The following TRPM2 variants were observed in gnomAD, a reference collection of about 807,000 sequenced individuals.
TRPM2 encodes the protein transient receptor potential cation channel subfamily M member 2, also known as estrogen-responsive element-associated gene 1 protein.
Under a neutral mutation model 174.0 loss-of-function variants are expected in TRPM2, and 161 were observed. The ratio of observed to expected loss-of-function variants is 0.93; its 90% CI spans 0.81 to 1.05. The LOEUF (loss-of-function observed/expected upper bound fraction) is 1.05. Ranked by LOEUF, TRPM2 falls within the 50% of genes least tolerant of loss-of-function variation. TRPM2 has a pLI of 0.00. For synonymous variants in TRPM2, 954 were observed against 861.3 expected, an observed-to-expected ratio of 1.11 and a Z score of -1.88; for missense variants, 2,057 against 2,038.0, an observed-to-expected ratio of 1.01 and a Z score of -0.18.
chr21:44,426,519 C>T (rs2050784751), intron 25 of TRPM2, 141 bp from the exon 26 acceptor site: 2 of 888,092 alleles, frequency 2.3e-6, no homozygotes, highest in Admixed American at 3.7e-5. Flanking sequence ...CCCGGATCTG[C>T]CCAGCTTGGA....
intron 31 of TRPM2, among the ~76,000 whole-genome samples, chr21:44,441,111 C>T (rs368813782): frequency 7.9e-5 from 12 of 152,258 alleles, no homozygotes; most frequent in East Asian, 1.9e-4. Context: ...GGGACCTGGC[C>T]GTGCTCCTGG....
At position 44,438,528 on chromosome 21, in the gene TRPM2, G is replaced by C. The variant is rs2051362343; in HGVS notation, c.4168-539G>C. 6.6e-6 allele frequency among the ~76,000 whole-genome samples: 1 copy of C among 152,160 alleles called. No individual in the cohort carries two copies. The highest frequency in any genetic ancestry group is 1.5e-5 in the Non-Finnish European group (1 of 68,024). ...CCCACGGGTGTTTCAGTGGGACTTT[G>C]AATGACAAATAGGGTGGGAAAGATG... On this transcript the variant is annotated intron_variant, in intron 29 of 31. Transcript: ENST00000397928. This position sits in a 1 kb window ranked among gnomAD's most constrained non-coding sequence, Gnocchi z 5.9.
rs145284374 is a variant in TRPM2, at chr21:44,395,491, C to T, written c.1872C>T (p.Asp624=). The change falls in exon 12 of 32, where the codon GAC becomes GAT. Residue 624 remains aspartate, a synonymous_variant. Transcript: ENST00000397928. ...CCTTCACCATGGACCCCATCCGTGA[C>T]CTTCTCATTTGGGCCATTGTCCAGA... ...HVTFTMDPIR[D]LLIWAIVQNR... The T allele has an allele frequency of 1.5e-4, 236 of 1,612,958 alleles. 1 individual carries two copies. In the African/African-American group the frequency reaches 3.0e-3, roughly 20 times the overall value.
Position 44,410,830 on chromosome 21 carries a change from C to G in TRPM2, c.2963-3061C>G, listed in dbSNP as rs1404983970. 3.4e-5 allele frequency among the ~76,000 whole-genome samples: 3 copies of G among 89,372 alleles called. 1 individual carries two copies. Among genetic ancestry groups the G allele is most frequent in the African/African-American group, 1.0e-4 (3 of 28,874 alleles). The allele number at this position is 89,372 out of a possible 152,430, so 58.6% of individuals were successfully genotyped here. On this transcript the variant is annotated intron_variant, in intron 19 of 31. Transcript: ENST00000397928. ...GTTTTGACCGCACTGTCTTGGTGAGCGTAGCCTTGTAGTAAGTTTTGACCG... is the reference window on the plus strand; with the variant it reads ...GTTTTGACCGCACTGTCTTGGTGAGGGTAGCCTTGTAGTAAGTTTTGACCG...
intron 15 of TRPM2, among the ~76,000 whole-genome samples, chr21:44,401,142 G>A (rs1015921909): frequency 2.0e-5 from 3 of 152,136 alleles, no homozygotes; most frequent in Non-Finnish European, 2.9e-5. Flanking sequence ...CTGCTCTCCC[G>A]AGGATGGCAG....
In TRPM2 at chr21:44,376,013, G is replaced by A; in HGVS notation, c.952G>A (p.Gly318Ser). The change falls in exon 6 of 32, where the codon GGT (glycine) becomes AGT (serine). Residue 318 changes from glycine (G) to serine (S), a missense_variant and splice_region_variant. Coordinates refer to ENST00000397928, the MANE Select transcript of TRPM2 (RefSeq NM_003307.4). The surrounding 1 kb of genome is among the most constrained non-coding windows in gnomAD (Gnocchi z 4.2). ...ATCGGAGCAGACCAAGGAAAGAGGA[G>A]GTAGGGGAGCTTGCTTTCGAGGGTG... ...FISEQTKERG[G>S]VAIKIPIVCV... 6.2e-7 allele frequency: 1 copy of A among 1,611,490 alleles called. No individual in the cohort carries two copies. The highest frequency in any genetic ancestry group is 8.5e-7 in the Non-Finnish European group (1 of 1,177,898).
intron 5 of TRPM2, among the ~76,000 whole-genome samples, chr21:44,373,437 T>G (rs986974817): frequency 1.3e-5 from 2 of 152,220 alleles, no homozygotes; most frequent in Non-Finnish European, 2.9e-5. Context: ...TCCGCCCGCC[T>G]CGGCCCCCCA....
chr21:44,411,071 G>A (rs190222651), intron 19 of TRPM2, among the ~76,000 whole-genome samples: 1 of 151,858 alleles, frequency 6.6e-6, no homozygotes, highest in Admixed American at 6.6e-5. Context: ...TGCTGTCTTG[G>A]TGAGCGTAGC....
intron 6 of TRPM2, 69 bp from the exon 7 acceptor site, chr21:44,377,643 G>A: frequency 6.3e-7 from 1 of 1,597,094 alleles, no homozygotes; most frequent in Non-Finnish European, 8.6e-7. Context: ...GCTTTGTTCA[G>A]GTGTGGCCCT....
rs753817576 is a variant in TRPM2 at position 44,395,403 on chromosome 21, C to T, written c.1795-11C>T. 3 of 1,612,298 alleles carry T rather than the reference C, an allele frequency of 1.9e-6. No individual in the cohort carries two copies. Among genetic ancestry groups the T allele is most frequent in the South Asian group, 2.2e-5 (2 of 91,066 alleles). Reference sequence around the variant, plus strand: ...GCCCGGCTGGGGCTCTGACAGTTCACTGCTCACCAGGTGCAGGGAGTGAGC... The same window carrying T: ...GCCCGGCTGGGGCTCTGACAGTTCATTGCTCACCAGGTGCAGGGAGTGAGC... On this transcript the variant is annotated splice_polypyrimidine_tract_variant and intron_variant, in intron 11 of 31. Coordinates refer to ENST00000397928, the MANE Select transcript of TRPM2 (RefSeq NM_003307.4).
chr21:44,436,430 C>T (rs45466701), intron 28 of TRPM2, among the ~76,000 whole-genome samples: 1 of 152,172 alleles, frequency 6.6e-6, no homozygotes, highest in East Asian at 1.9e-4. Context: ...GGGTGCGAGT[C>T]ACTCTCTGCT....
In TRPM2 at chr21:44,406,580, T is replaced by A. The variant is rs773384527; in HGVS notation, c.2791-14T>A. The A allele has an allele frequency of 2.5e-6, 4 of 1,604,674 alleles. No individual in the cohort carries two copies. The highest frequency in any genetic ancestry group is 1.3e-5 in the African/African-American group (1 of 74,794). On this transcript the variant is annotated splice_polypyrimidine_tract_variant and intron_variant, in intron 18 of 31. Coordinates refer to ENST00000397928, the MANE Select transcript of TRPM2 (RefSeq NM_003307.4). The stretch of plus-strand genomic sequence containing the variant: ...GGCCAGGAGAGTGTAGCCCACACAC[T>A]CTCTGTCCTGCAGATGAAGGACGTC...
intron 19 of TRPM2, among the ~76,000 whole-genome samples, chr21:44,407,596 C>T (rs1262849749): frequency 1.3e-5 from 2 of 151,558 alleles, no homozygotes; most frequent in African/African-American, 2.4e-5. Flanking sequence ...TGCATACTCA[C>T]AGTCACTCCC....
Position 44,391,614 on chromosome 21 carries a change from G to A in TRPM2, c.1783G>A (p.Val595Ile), listed in dbSNP as rs537449289. The A allele has an allele frequency of 2.7e-5, 43 of 1,576,820 alleles. 1 individual carries two copies. The South Asian group carries it at 4.6e-4, about 17-fold the overall frequency. The change falls in exon 11 of 32, where the codon GTC becomes ATC. Residue 595 changes from valine (V) to isoleucine (I), a missense_variant. Physicochemically the swap from Val to Ile is conservative, Grantham distance 29. Coordinates refer to ENST00000397928, the MANE Select transcript of TRPM2 (RefSeq NM_003307.4). This position sits in a 1 kb window ranked among gnomAD's most constrained non-coding sequence, Gnocchi z 5.0. ...GCGGCTCCTGCTGCCCGTTCCCCAC[G>A]TCAAGCTCAACGTGCGTGCTGGTAA... ...RLRLLLPVPH[V>I]KLNVQGVSLR...
At chr21:44,353,926 G>C in intron 1 of TRPM2, 61 bp downstream of exon 1, 1 of 1,552,222 alleles carries the variant, frequency 6.4e-7, no homozygotes, top group Non-Finnish European at 8.7e-7. Flanking sequence ...CCGTTGGGCA[G>C]GTCATAGCTT....
chr21:44,418,147 A>G, intron 21 of TRPM2, 39 bp downstream of exon 21: 1 of 1,583,224 alleles, frequency 6.3e-7, no homozygotes, highest in Non-Finnish European at 8.6e-7. Context: ...TGTCCTGGCC[A>G]CCCGGGTGCA....
chr21:44,367,059 C>A lies in TRPM2; in HGVS notation c.604+125C>A, dbSNP rs1322538305. 10 of 1,183,466 alleles carry A rather than the reference C, an allele frequency of 8.4e-6. No homozygotes were observed. In the Admixed American group the frequency reaches 2.3e-4, roughly 27 times the overall value. 73.3% of individuals were successfully genotyped at this position (1,183,466 alleles called of 1,614,324 possible). A position where few individuals can be genotyped will look rare whatever the true frequency, so the allele number is the denominator to read the frequency against. On this transcript the variant is annotated intron_variant, in intron 4 of 31. Coordinates refer to ENST00000397928, the MANE Select transcript of TRPM2 (RefSeq NM_003307.4). This position sits in a 1 kb window ranked among gnomAD's most constrained non-coding sequence, Gnocchi z 4.6. The stretch of plus-strand genomic sequence containing the variant: ...GGGAGCCGCCGAGGCTGTGCCCCAG[C>A]CTGAGTCGGACCCATGCACCTCTCA...
At position 44,441,961 on chromosome 21, in the gene TRPM2, T is replaced by G; in HGVS notation, c.*144T>G. On this transcript the variant is annotated 3_prime_UTR_variant, in exon 32 of 32. Transcript: ENST00000397928. ...TGGTGGACCCAGTGCCCCTCACGGC[T>G]GCCGCAAGTCTGCTGCAGATGACCT... is the stretch of plus-strand genomic sequence containing the variant. 1.6e-6 allele frequency: 2 copies of G among 1,238,266 alleles called. No homozygotes were observed. Among genetic ancestry groups the G allele is most frequent in the Non-Finnish European group, 2.1e-6 (2 of 947,046 alleles). 76.7% of individuals were successfully genotyped at this position (1,238,266 alleles called of 1,614,324 possible).
In TRPM2 at chr21:44,426,992, C is replaced by A. The variant is rs2050815671; in HGVS notation, c.3873-18C>A. On this transcript the variant is annotated intron_variant, in intron 26 of 31. Coordinates refer to ENST00000397928, the MANE Select transcript of TRPM2 (RefSeq NM_003307.4). ...CTGCAACACGGGCACACAGACACGC[C>A]TTCTCCTCTGCTCCCAGCACCCTGG... The A allele has an allele frequency of 6.3e-7, 1 of 1,574,900 alleles. No homozygotes were observed. The highest frequency in any genetic ancestry group is 8.6e-7 in the Non-Finnish European group (1 of 1,161,052).
Sources: gnomAD v4.1 joint callset for allele counts (sites outside exome capture counted in the v4.1 genomes callset) on GRCh38, gnomAD v4.1.1 for gene constraint, Gnocchi (gnomAD v3.1) non-coding constraint, MANE v1.5 for transcripts, NCBI Gene and HGNC (gene_info 2026-07-23, HGNC 2026-07-21) for gene names.